SLC44A5: variants seen among roughly 807,000 people sequenced by gnomAD.
SLC44A5 encodes the protein choline transporter-like protein 5.
SLC44A5 carries 57 observed loss-of-function variants against 101.8 expected under a neutral mutation model. The ratio of observed to expected loss-of-function variants is 0.56; its 90% CI spans 0.45 to 0.70. The LOEUF is 0.70. Among genes scored for constraint, SLC44A5 ranks in the 30% least tolerant of loss-of-function variants. The pLI is 0.00. For missense variants in SLC44A5, 737 were observed against 853.1 expected (o/e 0.86, Z 1.70); for synonymous variants, 281 against 290.9 (o/e 0.97, Z 0.35).
At chr1:75,583,856 C>T (rs1673843006) in intron 1 of SLC44A5, among the ~76,000 whole-genome samples, 1 of 152,256 alleles carries the variant, frequency 6.6e-6, no homozygotes, top group Admixed American at 6.5e-5. Context: ...TGCCTCCCTT[C>T]CCTCTAAAAA....
At chr1:75,355,196 C>T (rs892389408) in intron 3 of SLC44A5, among the ~76,000 whole-genome samples, 1 of 152,072 alleles carries the variant, frequency 6.6e-6, no homozygotes, top group East Asian at 1.9e-4. Flanking sequence ...AGAAATAAAA[C>T]CAAGGTTGAT....
chr1:75,370,703 T>C (rs1660166423), intron 3 of SLC44A5, among the ~76,000 whole-genome samples: 1 of 152,158 alleles, frequency 6.6e-6, no homozygotes. Context: ...AACAGGAAAC[T>C]GAGTATCACC....
chr1:75,213,869 CAAGCATCTTTTA>C, intron 21 of SLC44A5, 38 bp downstream of exon 21: 1 of 1,526,696 alleles, frequency 6.6e-7, no homozygotes, highest in Non-Finnish European at 8.9e-7. Context: ...GCAGTTTTTC[CAAGCATCTTTTA>C]AACTTTTTTT....
At chr1:75,657,969 A>G in the SLC44A5 span, among the ~76,000 whole-genome samples, 1 of 148,714 alleles carries the variant, frequency 6.7e-6, no homozygotes, top group South Asian at 2.1e-4. Flanking sequence ...ACTGACATTT[A>G]CAGAACATTT....
At chr1:75,653,197 A>T in the SLC44A5 span, among the ~76,000 whole-genome samples, 1 of 152,174 alleles carries the variant, frequency 6.6e-6, no homozygotes, top group African/African-American at 2.4e-5. Context: ...AAACTCACTC[A>T]AAAATGAAAA....
intron 5 of SLC44A5, among the ~76,000 whole-genome samples, chr1:75,288,952 A>G (rs2100813572): frequency 6.6e-6 from 1 of 152,316 alleles, no homozygotes; most frequent in African/African-American, 2.4e-5. Flanking sequence ...TATTCATAGC[A>G]TCATGCTGAT....
At chr1:75,618,212 A>G in the SLC44A5 span, among the ~76,000 whole-genome samples, 1 of 152,226 alleles carries the variant, frequency 6.6e-6, no homozygotes, top group Non-Finnish European at 1.5e-5. Context: ...ACTAGTTAGG[A>G]CTATTTTTGG....
At chr1:75,497,589 C>T (rs966448245) in intron 2 of SLC44A5, among the ~76,000 whole-genome samples, 2 of 151,916 alleles carry the variant, frequency 1.3e-5, no homozygotes, top group African/African-American at 4.8e-5. Context: ...GTTAATAGTA[C>T]CGTAAGACAT....
chr1:75,676,126 A>G, the SLC44A5 span, among the ~76,000 whole-genome samples: 33,675 of 152,044 alleles, frequency 0.22, 4,529 homozygotes, highest in Middle Eastern at 0.36. Flanking sequence ...ACTATTCTGG[A>G]AGACAGTGTG....
intron 2 of SLC44A5, among the ~76,000 whole-genome samples, chr1:75,458,733 TTATAG>T (rs760548780): frequency 3.9e-5 from 6 of 152,180 alleles, no homozygotes; most frequent in Non-Finnish European, 5.9e-5. Flanking sequence ...TTTGCTTAAT[TTATAG>T]TATATTTATT....
At chr1:75,536,557 C>T (rs192799117) in intron 2 of SLC44A5, among the ~76,000 whole-genome samples, 2,948 of 139,516 alleles carry the variant, frequency 0.021, 46 homozygotes, top group East Asian at 0.093. Context: ...GCCGAGATCG[C>T]GCCACTGCAC....
chr1:75,631,396 A>G, the SLC44A5 span, among the ~76,000 whole-genome samples: 114,601 of 151,910 alleles, frequency 0.75, 43,520 homozygotes, highest in East Asian at 0.96. Flanking sequence ...TTTTGGAGAC[A>G]GGGTCTCACT....
At position 75,504,347 on chromosome 1, in the gene SLC44A5, C is replaced by A. The variant is rs191207670; in HGVS notation, c.13+37088G>T. Among the ~76,000 whole-genome samples the A allele has an allele frequency of 3.9e-5, 6 of 152,110 alleles. No individual in the cohort carries two copies. In the East Asian group the frequency reaches 1.2e-3, roughly 29 times the overall value. ...GGGGCATTAAAGGGATTCTGGGGGACCAATAACATATATTTCTTAATGTTT... is the reference window on the plus strand; with the variant it reads ...GGGGCATTAAAGGGATTCTGGGGGAACAATAACATATATTTCTTAATGTTT... On this transcript the variant is annotated intron_variant, in intron 2 of 23. Transcript: ENST00000370859.
At chr1:75,681,968 A>G in the SLC44A5 span, among the ~76,000 whole-genome samples, 1 of 152,198 alleles carries the variant, frequency 6.6e-6, no homozygotes, top group Admixed American at 6.6e-5. Context: ...CCAACAACAG[A>G]CAAACAGCCA....
At chr1:75,410,194 A>C (rs1663185336) in intron 2 of SLC44A5, among the ~76,000 whole-genome samples, 1 of 152,126 alleles carries the variant, frequency 6.6e-6, no homozygotes, top group South Asian at 2.1e-4. Context: ...AAGATGTCCC[A>C]AAGCAGAGAA....
chr1:75,398,164 C>T (rs530748461), intron 2 of SLC44A5, among the ~76,000 whole-genome samples: 3 of 152,020 alleles, frequency 2.0e-5, no homozygotes, highest in Non-Finnish European at 2.9e-5. Context: ...TTTAATGTTC[C>T]GAATACATTT....
At chr1:75,555,671 T>C (rs1672177977) in intron 1 of SLC44A5, among the ~76,000 whole-genome samples, 1 of 151,768 alleles carries the variant, frequency 6.6e-6, no homozygotes. Flanking sequence ...TAAGACACAA[T>C]ACCAATTTGA....
At chr1:75,668,315 C>CTTTTT in the SLC44A5 span, among the ~76,000 whole-genome samples, 41 of 65,082 alleles carry the variant, frequency 6.3e-4, 8 homozygotes, top group Non-Finnish European at 9.0e-4. Context: ...TCCTAGGAGC[C>CTTTTT]TTTTTTTTTT....
chr1:75,466,336 T>C (rs1023287213), intron 2 of SLC44A5, among the ~76,000 whole-genome samples: 2 of 152,066 alleles, frequency 1.3e-5, no homozygotes, highest in African/African-American at 4.8e-5. Flanking sequence ...TCCTTCATGA[T>C]AAAAATCCTC....
Sources: allele counts gnomAD v4.1 joint callset (sites outside exome capture counted in the v4.1 genomes callset), GRCh38; gene constraint gnomAD v4.1.1; transcripts MANE v1.5; gene names NCBI Gene and HGNC (gene_info 2026-07-23, HGNC 2026-07-21).